The following EYA1 variants were observed in gnomAD, a reference collection of about 807,000 sequenced individuals.
The protein encoded by EYA1 is EYA transcriptional coactivator and phosphatase 1.
Under a neutral mutation model 82.0 loss-of-function variants are expected in EYA1, and 16 were observed. The ratio of observed to expected loss-of-function variants is 0.20; its 90% CI spans 0.13 to 0.30. The LOEUF is 0.30. Ranked by LOEUF, EYA1 falls within the 10% of genes least tolerant of loss-of-function variation. The pLI, the probability that EYA1 is intolerant of heterozygous loss-of-function variation, is 1.00. For missense variants in EYA1, 633 were observed against 730.7 expected, an observed-to-expected ratio of 0.87 and a Z score of 1.54; for synonymous variants, 261 against 264.4, an observed-to-expected ratio of 0.99 and a Z score of 0.12.
chr8:71,389,486 A>C (rs1829150580), intron 2 of EYA1, among the ~76,000 whole-genome samples: 1 of 152,186 alleles, frequency 6.6e-6, no homozygotes, highest in African/African-American at 2.4e-5. Flanking sequence ...TGAGAACTCA[A>C]CAAGTTTCAA....
intron 11 of EYA1, among the ~76,000 whole-genome samples, chr8:71,250,290 G>A (rs1220447616): frequency 6.6e-6 from 1 of 152,174 alleles, no homozygotes; most frequent in Non-Finnish European, 1.5e-5. Flanking sequence ...CAACTAGGCA[G>A]AGGCCTAAAC....
intron 2 of EYA1, among the ~76,000 whole-genome samples, chr8:71,493,820 G>A (rs891881346): frequency 6.7e-6 from 1 of 149,930 alleles, no homozygotes; most frequent in Admixed American, 6.6e-5. Flanking sequence ...TCAGGAGATC[G>A]AGACCATCCC....
rs543980615 is a variant in EYA1, at chr8:71,417,557, G to A, written c.34-61046C>T. On this transcript the variant is annotated intron_variant, in intron 2 of 18. Coordinates refer to the EYA1 transcript ENST00000643681. ...TGGACATTTGAGTTGTTTGCAGTTTGTAGTGATTATGAATAAAGCTCCTAT... is the reference window on the plus strand; with the variant it reads ...TGGACATTTGAGTTGTTTGCAGTTTATAGTGATTATGAATAAAGCTCCTAT... Among the ~76,000 whole-genome samples, 105 of 152,256 alleles carry A rather than the reference G, an allele frequency of 6.9e-4. 1 individual carries two copies. The highest frequency in any genetic ancestry group is 2.5e-3 in the African/African-American group (103 of 41,548).
At chr8:71,378,556 A>G (rs1391683383) in intron 2 of EYA1, among the ~76,000 whole-genome samples, 7 of 152,224 alleles carry the variant, frequency 4.6e-5, no homozygotes, top group Non-Finnish European at 7.3e-5. Context: ...AACCCCAGGA[A>G]TATACAGTAA....
intron 2 of EYA1, among the ~76,000 whole-genome samples, chr8:71,521,021 A>C (rs1270068263): frequency 1.3e-5 from 2 of 152,122 alleles, no homozygotes; most frequent in African/African-American, 4.8e-5. Flanking sequence ...GACTGGACAC[A>C]ATAGGTTAAC....
intron 10 of EYA1, among the ~76,000 whole-genome samples, chr8:71,271,357 G>T (rs1816508472): frequency 6.6e-6 from 1 of 152,154 alleles, no homozygotes; most frequent in African/African-American, 2.4e-5. Flanking sequence ...TCACCCTGTT[G>T]TGCTATCAAA....
At position 71,523,397 on chromosome 8, in the gene EYA1, C is replaced by G. The variant is rs981617258; in HGVS notation, c.33+12347G>C. ...GTTTCACTGTGTTAGCCAGGATGGTCTCCATCTCCTGACCTCGTGATCCAC... is the reference window on the plus strand; with the variant it reads ...GTTTCACTGTGTTAGCCAGGATGGTGTCCATCTCCTGACCTCGTGATCCAC... On this transcript the variant is annotated intron_variant, in intron 2 of 18. Coordinates refer to the EYA1 transcript ENST00000643681. Among the ~76,000 whole-genome samples the G allele has an allele frequency of 2.0e-5, 3 of 151,936 alleles. No homozygotes were observed. In the East Asian group the frequency reaches 5.8e-4, roughly 30 times the overall value.
intron 2 of EYA1, among the ~76,000 whole-genome samples, chr8:71,514,820 T>C (rs1453923177): frequency 6.6e-6 from 1 of 152,168 alleles, no homozygotes; most frequent in African/African-American, 2.4e-5. Context: ...AATGGTTATT[T>C]CTGATTAGTA....
chr8:71,234,740 T>TCA (rs1380828013), intron 12 of EYA1, among the ~76,000 whole-genome samples: 1 of 152,096 alleles, frequency 6.6e-6, no homozygotes, highest in South Asian at 2.1e-4. Context: ...CCCTGTGCCA[T>TCA]CTAGTTTTAT....
chr8:71,540,629 G>A (rs1041347447), intron 1 of EYA1, among the ~76,000 whole-genome samples: 7 of 152,134 alleles, frequency 4.6e-5, no homozygotes, highest in Admixed American at 4.6e-4. Flanking sequence ...TTTCATACAT[G>A]ACATGTATTT....
At chr8:71,321,669 C>G in intron 6 of EYA1, 65 bp downstream of exon 6, 4 of 1,578,174 alleles carry the variant, frequency 2.5e-6, no homozygotes, top group Non-Finnish European at 3.5e-6. Context: ...TTAAGTACCA[C>G]TCAAACATGT....
intron 7 of EYA1, among the ~76,000 whole-genome samples, chr8:71,312,690 G>A (rs996186364): frequency 3.3e-5 from 5 of 152,148 alleles, no homozygotes; most frequent in East Asian, 1.9e-4. Flanking sequence ...TGCCCACCTC[G>A]GCCTCCCAAA....
At chr8:71,362,080 A>G, upstream of EYA1, 4 of 985,078 alleles carry the variant, frequency 4.1e-6, no homozygotes, top group Non-Finnish European at 4.8e-6. Flanking sequence ...AACCCTAGAC[A>G]AAGAAACAGC....
At chr8:71,442,456 C>T (rs574567058) in intron 2 of EYA1, among the ~76,000 whole-genome samples, 1 of 152,326 alleles carries the variant, frequency 6.6e-6, no homozygotes, top group East Asian at 1.9e-4. Context: ...GAAAGTATCT[C>T]AGCCTGTAAC....
chr8:71,298,820 A>C (rs527462902), intron 9 of EYA1, among the ~76,000 whole-genome samples: 60 of 152,208 alleles, frequency 3.9e-4, no homozygotes, highest in Non-Finnish European at 6.0e-4. Flanking sequence ...TACAAATAAA[A>C]TCTCTATTTC....
At chr8:71,368,687 T>C (rs1827902259) in intron 2 of EYA1, among the ~76,000 whole-genome samples, 2 of 152,148 alleles carry the variant, frequency 1.3e-5, no homozygotes, top group South Asian at 2.1e-4. Context: ...TGGGAGAAAA[T>C]TGTATTTGAT....
intron 2 of EYA1, among the ~76,000 whole-genome samples, chr8:71,455,522 G>A (rs10957553): frequency 0.25 from 37,517 of 151,982 alleles, 6,468 homozygotes; most frequent in East Asian, 0.68. Context: ...AAATACTGGG[G>A]AACCGAATCC....
chr8:71,340,424 A>G (rs778597045), intron 3 of EYA1, among the ~76,000 whole-genome samples: 5 of 152,232 alleles, frequency 3.3e-5, no homozygotes, highest in East Asian at 1.9e-4. Context: ...CCATATATCC[A>G]TAAGTTGGAC....
chr8:71,529,012 G>T (rs983481053), intron 2 of EYA1, among the ~76,000 whole-genome samples: 1 of 152,134 alleles, frequency 6.6e-6, no homozygotes, highest in Non-Finnish European at 1.5e-5. Flanking sequence ...TTGGCATATG[G>T]TATCTTTATT....
Sources: gnomAD v4.1 joint callset for allele counts (sites outside exome capture counted in the v4.1 genomes callset) on GRCh38, gnomAD v4.1.1 for gene constraint, MANE v1.5 for transcripts, NCBI Gene and HGNC (gene_info 2026-07-23, HGNC 2026-07-21) for gene names.